The following GON4L variants were observed in gnomAD, a reference collection of about 807,000 sequenced individuals.
GON4L encodes the protein GON-4-like protein.
A neutral mutation model predicts 211.8 loss-of-function variants in GON4L; 87 were observed. The ratio of observed to expected loss-of-function variants is 0.41; its 90% confidence interval spans 0.35 to 0.49. The LOEUF is 0.49. Ranked by LOEUF, GON4L falls within the 20% of genes least tolerant of loss-of-function variation. GON4L has a pLI of 0.15. For missense variants in GON4L, 2,155 were observed against 2,659.5 expected (o/e 0.81, Z 4.17); for synonymous variants, 875 against 962.6 (o/e 0.91, Z 1.68).
chr1:155,761,510 T>A (rs1156572050), intron 23 of GON4L, among the ~76,000 whole-genome samples: 1 of 150,730 alleles, frequency 6.6e-6, no homozygotes, highest in Admixed American at 6.6e-5. Flanking sequence ...TTTTTTTTTT[T>A]TTTGAGACAG....
At chr1:155,782,821 G>C (rs1664558784) in intron 14 of GON4L, among the ~76,000 whole-genome samples, 1 of 151,822 alleles carries the variant, frequency 6.6e-6, no homozygotes, top group Non-Finnish European at 1.5e-5. Context: ...CACCATGCCT[G>C]GCTAATTTTT....
At chr1:155,785,421 C>A in intron 12 of GON4L, 47 bp from the exon 13 acceptor site, 1 of 1,284,298 alleles carries the variant, frequency 7.8e-7, no homozygotes, top group East Asian at 2.3e-5. Context: ...TTAGATTTTA[C>A]AATAAGGAGG....
At chr1:155,821,118 T>C (rs1336148821) in intron 5 of GON4L, among the ~76,000 whole-genome samples, 1 of 151,782 alleles carries the variant, frequency 6.6e-6, no homozygotes, top group Non-Finnish European at 1.5e-5. Context: ...TACAAAAAAT[T>C]AGCCGGGCGT....
Position 155,777,736 on chromosome 1 carries a change from A to G in GON4L, c.1977T>C (p.Ser659=). The change falls in exon 15 of 32, where the codon TCT becomes TCC. Residue 659 remains serine, a synonymous_variant. Transcript: ENST00000368331. The part of the protein sequence containing the change: ...ELFEQLKMKK[S]SAKQLQEVEK... ...CTACTTCCTGCAGCTGTTTGGCTGA[A>G]GATTTCTTCATCTTCAGCTGTTCAA... 6.2e-7 allele frequency: 1 copy of G among 1,612,784 alleles called. No individual in the cohort carries two copies. Among genetic ancestry groups the G allele is most frequent in the African/African-American group, 1.3e-5 (1 of 74,974 alleles).
At chr1:155,783,899 GA>G in intron 14 of GON4L, 86 bp downstream of exon 14, 4 of 1,578,458 alleles carry the variant, frequency 2.5e-6, no homozygotes, top group Non-Finnish European at 2.6e-6. Context: ...GGTTTGGGAT[GA>G]AAAATTATCA....
chr1:155,826,595 T>C (rs1669238874), intron 3 of GON4L, among the ~76,000 whole-genome samples: 1 of 149,290 alleles, frequency 6.7e-6, no homozygotes, highest in Admixed American at 6.7e-5. Context: ...ATTGAACCAA[T>C]ATATGATGCT....
At chr1:155,824,117 C>T (rs1180663725) in intron 3 of GON4L, among the ~76,000 whole-genome samples, 42 of 151,914 alleles carry the variant, frequency 2.8e-4, no homozygotes, top group Admixed American at 2.8e-3. Context: ...GAAAAGTATC[C>T]AAATGCTCAT....
intron 14 of GON4L, among the ~76,000 whole-genome samples, chr1:155,780,195 C>T (rs1003816725): frequency 9.2e-5 from 14 of 152,296 alleles, no homozygotes; most frequent in African/African-American, 3.4e-4. Flanking sequence ...GGTAAACTAT[C>T]ATTACTTTAG....
intron 2 of GON4L, chr1:155,845,668 AC>A: frequency 3.2e-6 from 1 of 316,810 alleles, no homozygotes; most frequent in South Asian, 3.3e-5. Context: ...TAGGCCCTAA[AC>A]TACACAAGAA....
intron 12 of GON4L, 59 bp from the exon 13 acceptor site, chr1:155,785,433 A>G: frequency 8.6e-7 from 1 of 1,158,500 alleles, no homozygotes; most frequent in Admixed American, 1.7e-5. Flanking sequence ...ATAAGGAGGA[A>G]TTCCATGAAG....
At chr1:155,816,124 T>C in intron 7 of GON4L, 88 bp downstream of exon 7, 1 of 737,204 alleles carries the variant, frequency 1.4e-6, no homozygotes, top group South Asian at 1.5e-5. Flanking sequence ...CAAAGATTGA[T>C]CAAGAAAAGT....
chr1:155,753,247 G>T lies in GON4L; in HGVS notation c.5799C>A (p.Ser1933Arg). Residue 1933 changes from serine to arginine, a missense_variant, in exon 29 of 32, where the codon AGC becomes AGA. Transcript: ENST00000368331. ...EERESTEATQSRTVRTTRKGE... is the reference protein window; with the variant it reads ...EERESTEATQRRTVRTTRKGE... ...CCTTTCTGGTGGTCCTGACAGTCCT[G>T]CTCTGGGTGGCCTCAGTGCTCTCCC... 6.2e-7 allele frequency: 1 copy of T among 1,603,504 alleles called. No individual in the cohort carries two copies. The highest frequency in any genetic ancestry group is 8.5e-7 in the Non-Finnish European group (1 of 1,175,328).
At position 155,829,333 on chromosome 1, in the gene GON4L, T is replaced by C. The variant is rs552590553; in HGVS notation, c.506-2305A>G. Among the ~76,000 whole-genome samples, 5 of 152,274 alleles carry C rather than the reference T, an allele frequency of 3.3e-5. 1 individual carries two copies. The highest frequency in any genetic ancestry group is 4.8e-5 in the African/African-American group (2 of 41,574). On this transcript the variant is annotated intron_variant, in intron 2 of 31. Transcript: ENST00000368331. ...TTTTGATGTTATGATCAGCCAGGCA[T>C]GGTGGTTCACACCTGTAGTCCTAGC...
At chr1:155,783,659 G>C (rs1413779700) in intron 14 of GON4L, among the ~76,000 whole-genome samples, 1 of 152,242 alleles carries the variant, frequency 6.6e-6, no homozygotes. Flanking sequence ...AAAAGGGACA[G>C]ACAGGATATT....
chr1:155,834,507 T>C (rs1670110827), intron 2 of GON4L, among the ~76,000 whole-genome samples: 1 of 152,108 alleles, frequency 6.6e-6, no homozygotes, highest in Non-Finnish European at 1.5e-5. Flanking sequence ...CTGGCCCTAT[T>C]GTCACCTCAC....
At chr1:155,805,993 T>TG (rs1364394653) in intron 10 of GON4L, among the ~76,000 whole-genome samples, 3 of 150,358 alleles carry the variant, frequency 2.0e-5, no homozygotes, top group Non-Finnish European at 4.4e-5. Context: ...CTGGTGTTTT[T>TG]TTTTTTTTTT....
chr1:155,811,644 C>A (rs537409657), intron 10 of GON4L, among the ~76,000 whole-genome samples: 4 of 147,362 alleles, frequency 2.7e-5, no homozygotes, highest in Non-Finnish European at 4.5e-5. Context: ...GTAATCCCAG[C>A]TACTCAGGAG....
chr1:155,852,309 C>T (rs1671869744), intron 2 of GON4L, among the ~76,000 whole-genome samples: 1 of 152,122 alleles, frequency 6.6e-6, no homozygotes, highest in Admixed American at 6.6e-5. Context: ...ATTCATCTTT[C>T]AAATTGGAAG....
At chr1:155,833,416 G>A (rs374547905) in intron 2 of GON4L, among the ~76,000 whole-genome samples, 7 of 151,996 alleles carry the variant, frequency 4.6e-5, no homozygotes, top group South Asian at 4.1e-4. Context: ...TTGGGAGGCC[G>A]AGGCGGGCAG....
Sources: allele counts gnomAD v4.1 joint callset (sites outside exome capture counted in the v4.1 genomes callset), GRCh38; gene constraint gnomAD v4.1.1; transcripts MANE v1.5; gene names NCBI Gene and HGNC (gene_info 2026-07-23, HGNC 2026-07-21).